The following PRICKLE1 variants were observed in gnomAD, a reference collection of about 807,000 sequenced individuals.
PRICKLE1 encodes the protein prickle-like protein 1.
A neutral mutation model predicts 70.2 loss-of-function variants in PRICKLE1; 14 were observed. That is an observed-to-expected ratio of 0.20 (90% CI 0.13 to 0.31). The LOEUF (loss-of-function observed/expected upper bound fraction) is 0.31. PRICKLE1 is among the 10% of genes least tolerant of loss of function. The pLI is 1.00. For synonymous variants in PRICKLE1, 357 were observed against 379.9 expected (o/e 0.94, Z 0.70); for missense variants, 821 against 1,026.2 (o/e 0.80, Z 2.73).
At chr12:42,519,816 G>T (rs1302700387) in intron 1 of PRICKLE1, among the ~76,000 whole-genome samples, 4 of 152,144 alleles carry the variant, frequency 2.6e-5, no homozygotes, top group Non-Finnish European at 1.5e-5. Flanking sequence ...AGTATTTGTT[G>T]TTGTTGTTAG....
Position 42,459,904 on chromosome 12 carries a change from G to T in PRICKLE1, c.2401C>A (p.Pro801Thr), listed in dbSNP as rs779783898. Residue 801 changes from proline (P) to threonine (T), a missense_variant, in exon 8 of 8, where the codon CCA becomes ACA. Transcript: ENST00000345127. ...FAYYTDDLSS[P>T]PSALPTPQFG... ...TGAGGGGTGGGAAGTGCAGATGGTG[G>T]ACTAGAAAGGTCATCTGTATAGTAG... 1 of 1,614,146 alleles carries T rather than the reference G, an allele frequency of 6.2e-7. No homozygotes were observed. Among genetic ancestry groups the T allele is most frequent in the Non-Finnish European group, 8.5e-7 (1 of 1,180,016 alleles).
At chr12:42,474,397 T>C (rs1194055403) in intron 1 of PRICKLE1, among the ~76,000 whole-genome samples, 2 of 152,242 alleles carry the variant, frequency 1.3e-5, no homozygotes, top group Non-Finnish European at 2.9e-5. Flanking sequence ...ATAGCTACAA[T>C]CTTTATTAGC....
chr12:42,507,716 A>C (rs1418587155), intron 1 of PRICKLE1, among the ~76,000 whole-genome samples: 1 of 152,222 alleles, frequency 6.6e-6, no homozygotes, highest in African/African-American at 2.4e-5. Context: ...AGCCTAAATG[A>C]TGTTGACTGA....
intron 1 of PRICKLE1, among the ~76,000 whole-genome samples, chr12:42,556,119 A>C (rs1354632083): frequency 5.9e-5 from 9 of 152,226 alleles, no homozygotes; most frequent in Non-Finnish European, 1.3e-4. Flanking sequence ...GTGGCCACTT[A>C]CTAGGTTGCC....
intron 1 of PRICKLE1, among the ~76,000 whole-genome samples, chr12:42,474,096 AC>A (rs1938428231): frequency 6.6e-6 from 1 of 152,036 alleles, no homozygotes; most frequent in Non-Finnish European, 1.5e-5. Context: ...ACATGGTGAA[AC>A]CCCGTCTCTA....
At chr12:42,580,616 CAG>C (rs1485234448) in intron 1 of PRICKLE1, among the ~76,000 whole-genome samples, 1 of 152,056 alleles carries the variant, frequency 6.6e-6, no homozygotes, top group Non-Finnish European at 1.5e-5. Flanking sequence ...GAAAACATAA[CAG>C]TATATATATT....
At chr12:42,499,419 A>C (rs900096546) in intron 1 of PRICKLE1, among the ~76,000 whole-genome samples, 6 of 150,094 alleles carry the variant, frequency 4.0e-5, no homozygotes, top group Non-Finnish European at 8.8e-5. Flanking sequence ...AAGTAGAATA[A>C]ATCTAGAATT....
intron 1 of PRICKLE1, among the ~76,000 whole-genome samples, chr12:42,514,866 TCTAA>T (rs1312664354): frequency 2.0e-5 from 3 of 150,014 alleles, no homozygotes; most frequent in African/African-American, 7.4e-5. Context: ...ATCTTACTAC[TCTAA>T]CTTTTTTTAA....
intron 1 of PRICKLE1, among the ~76,000 whole-genome samples, chr12:42,568,333 C>T (rs955594364): frequency 1.3e-5 from 2 of 152,176 alleles, no homozygotes; most frequent in African/African-American, 4.8e-5. Context: ...TGCCACCACA[C>T]CTGGCTAATT....
At chr12:42,588,347 C>G (rs1188871500) in intron 1 of PRICKLE1, among the ~76,000 whole-genome samples, 1 of 152,180 alleles carries the variant, frequency 6.6e-6, no homozygotes, top group African/African-American at 2.4e-5. Flanking sequence ...AGGCAGTAGA[C>G]AACACTGTAT....
intron 1 of PRICKLE1, among the ~76,000 whole-genome samples, chr12:42,493,386 T>C (rs1939138366): frequency 6.6e-6 from 1 of 152,204 alleles, no homozygotes; most frequent in Non-Finnish European, 1.5e-5. Context: ...AAAAAATTTA[T>C]TGTTTAGGTC....
At chr12:42,462,953 A>G (rs2140095761) in intron 7 of PRICKLE1, among the ~76,000 whole-genome samples, 1 of 152,344 alleles carries the variant, frequency 6.6e-6, no homozygotes, top group Admixed American at 6.5e-5. Flanking sequence ...AAATGCAATC[A>G]TATCATCCAC....
intron 1 of PRICKLE1, among the ~76,000 whole-genome samples, chr12:42,557,764 G>A (rs1429132142): frequency 1.3e-5 from 2 of 152,196 alleles, no homozygotes; most frequent in African/African-American, 2.4e-5. Context: ...TAGGTTTCAT[G>A]ACTGTTTTAT....
intron 1 of PRICKLE1, among the ~76,000 whole-genome samples, chr12:42,538,982 G>A (rs142667038): frequency 1.1e-3 from 166 of 152,250 alleles, no homozygotes; most frequent in African/African-American, 3.8e-3. Flanking sequence ...AACATGGGAA[G>A]TAATTCTGTT....
chr12:42,472,842 C>T (rs994286918), intron 1 of PRICKLE1, among the ~76,000 whole-genome samples: 2 of 152,286 alleles, frequency 1.3e-5, no homozygotes, highest in East Asian at 3.9e-4. Context: ...TCTCTACAGT[C>T]GATTCCTTAG....
At chr12:42,516,888 T>C (rs1939621275) in intron 1 of PRICKLE1, among the ~76,000 whole-genome samples, 1 of 152,180 alleles carries the variant, frequency 6.6e-6, no homozygotes, top group East Asian at 1.9e-4. Context: ...CTCCTGCCTA[T>C]GGGGTGGGTG....
intron 1 of PRICKLE1, among the ~76,000 whole-genome samples, chr12:42,580,494 A>G (rs1940880020): frequency 6.6e-6 from 1 of 152,146 alleles, no homozygotes; most frequent in Admixed American, 6.5e-5. Flanking sequence ...AAAATAATGT[A>G]TTTATTATGT....
intron 1 of PRICKLE1, among the ~76,000 whole-genome samples, chr12:42,564,097 A>G (rs1434527322): frequency 2.0e-5 from 3 of 151,660 alleles, no homozygotes. Context: ...TCTCTACTAA[A>G]AGTACAAAAA....
At chr12:42,494,944 G>C (rs1028079530) in intron 1 of PRICKLE1, among the ~76,000 whole-genome samples, 2 of 147,610 alleles carry the variant, frequency 1.4e-5, no homozygotes, top group Non-Finnish European at 3.0e-5. Flanking sequence ...ACCATGGCTA[G>C]AGTGCAGTAG....
Sources: gnomAD v4.1 joint callset for allele counts (sites outside exome capture counted in the v4.1 genomes callset) on GRCh38, gnomAD v4.1.1 for gene constraint, MANE v1.5 for transcripts, NCBI Gene and HGNC (gene_info 2026-07-23, HGNC 2026-07-21) for gene names.